The following AOC2 variants were observed in gnomAD, a reference collection of about 807,000 sequenced individuals.
The protein encoded by AOC2 is amine oxidase copper containing 2.
AOC2 carries 57 observed loss-of-function variants against 53.8 expected under a neutral mutation model. The ratio of observed to expected loss-of-function variants is 1.06; its 90% CI spans 0.86 to 1.32. AOC2 has a LOEUF of 1.32. Among genes scored for constraint, AOC2 ranks in the 40% most tolerant of loss-of-function variants. AOC2 has a pLI of 0.00. For synonymous variants in AOC2, 404 were observed against 399.0 expected (o/e 1.01, Z -0.15); for missense variants, 1,008 against 957.2 (o/e 1.05, Z -0.70).
At chr17:42,848,544 T>TATATATATATATATATATATAC (rs1181397569) in intron 1 of AOC2, among the ~76,000 whole-genome samples, 4 of 129,866 alleles carry the variant, frequency 3.1e-5, no homozygotes, top group Middle Eastern at 7.6e-3. Context: ...TATATATATA[T>TATATATATATATATATATATAC]ACATATATAT....
Position 42,844,854 on chromosome 17 carries a change from G to A in AOC2, c.228G>A (p.Gly76=). 10 of 1,612,374 alleles carry A rather than the reference G, an allele frequency of 6.2e-6. No homozygotes were observed. The highest frequency in any genetic ancestry group is 8.5e-6 in the Non-Finnish European group (10 of 1,178,800). Reference sequence around the variant, plus strand: ...TGCGCTTTCTGACCCAGCGGCTGGGGCCAGGGCTGGTGGACGCAGCCCAGG... The same window carrying A: ...TGCGCTTTCTGACCCAGCGGCTGGGACCAGGGCTGGTGGACGCAGCCCAGG... ...AVMRFLTQRL[G]PGLVDAAQAQ... Residue 76 remains glycine, a synonymous_variant, in exon 1 of 4, where the codon GGG becomes GGA. Transcript: ENST00000253799.
rs1027909639 is a variant in AOC2, at chr17:42,844,903, T to G, written c.277T>G (p.Phe93Val). 2.5e-6 allele frequency: 4 copies of G among 1,612,794 alleles called. No individual in the cohort carries two copies. The African/African-American group carries it at 5.3e-5, about 22-fold the overall frequency. The change falls in exon 1 of 4, where the codon TTC becomes GTC. Residue 93 changes from phenylalanine (F) to valine (V), a missense_variant. Transcript: ENST00000253799. Reference sequence around the variant, plus strand: ...GGCTCAGCCCTCGGACAACTGCATCTTCTCAGTGGAGCTGCAGCTGCCCCC... The same window carrying G: ...GGCTCAGCCCTCGGACAACTGCATCGTCTCAGTGGAGCTGCAGCTGCCCCC... ...AQAQPSDNCI[F>V]SVELQLPPKA...
chr17:42,845,616 A>T lies in AOC2; in HGVS notation c.990A>T (p.Ser330=). ...QGNLVVSSLW[S]FTFGHGVFSG... ...ACCTGGTGGTATCCTCCCTCTGGTCATTTACCTTTGGCCATGGGGTGTTCA... is the reference window on the plus strand; with the variant it reads ...ACCTGGTGGTATCCTCCCTCTGGTCTTTTACCTTTGGCCATGGGGTGTTCA... Residue 330 remains serine, a synonymous_variant, in exon 1 of 4, where the codon TCA becomes TCT. Coordinates refer to ENST00000253799, the MANE Select transcript of AOC2 (RefSeq NM_009590.4). The T allele has an allele frequency of 6.2e-7, 1 of 1,614,084 alleles. No homozygotes were observed. The highest frequency in any genetic ancestry group is 8.5e-7 in the Non-Finnish European group (1 of 1,180,026).
chr17:42,848,346 A>G, intron 1 of AOC2, among the ~76,000 whole-genome samples: 1 of 151,380 alleles, frequency 6.6e-6, no homozygotes, highest in Non-Finnish European at 1.5e-5. Context: ...CAGTGTAGGG[A>G]TTCAGAAAGT....
At position 42,845,254 on chromosome 17, in the gene AOC2, C is replaced by G. The variant is rs761402349; in HGVS notation, c.628C>G (p.Arg210Gly). 2 of 1,614,160 alleles carry G rather than the reference C, an allele frequency of 1.2e-6. No homozygotes were observed. Among genetic ancestry groups the G allele is most frequent in the Admixed American group, 3.3e-5 (2 of 60,032 alleles). The change falls in exon 1 of 4, where the codon CGG (arginine) becomes GGG (glycine). Residue 210 changes from arginine (R) to glycine (G), a missense_variant. Transcript: ENST00000253799. Reference protein sequence around the residue: ...STLAAVHATPRGLRSGDRATW... With the variant: ...STLAAVHATPGGLRSGDRATW... ...CCTGGCAGCTGTGCATGCCACCCCT[C>G]GGGGCTTGCGCTCAGGGGACCGAGC...
At position 42,846,151 on chromosome 17, in the gene AOC2, G is replaced by T; in HGVS notation, c.1525G>T (p.Glu509Ter). ...CCTCCTCTTTGGGAACCGTGTGGGG[G>T]AAAGAGTGCTGGGAACGGTGCACAC... ...EGLLFGNRVG[E>*]RVLGTVHTHA... The change falls in exon 1 of 4, where the codon GAA becomes TAA. Residue 509 changes from glutamate to a stop codon, truncating the protein, a stop_gained. Transcript: ENST00000253799. LOFTEE classifies it high-confidence loss of function. 6.4e-7 allele frequency: 1 copy of T among 1,557,982 alleles called. No individual in the cohort carries two copies. The highest frequency in any genetic ancestry group is 8.7e-7 in the Non-Finnish European group (1 of 1,151,018).
intron 1 of AOC2, among the ~76,000 whole-genome samples, chr17:42,848,561 A>ATG (rs1195731337): frequency 2.1e-5 from 3 of 145,080 alleles, no homozygotes; most frequent in South Asian, 4.2e-4. Flanking sequence ...ATATATATAT[A>ATG]TATATTTTAG....
In AOC2 at chr17:42,850,593, AGGT is replaced by A; in HGVS notation, c.*249_*251del. ...ATCACAAATCCTACTACTCAGAAATAGGTGGTCACATTACATCAGACATCTCTT... is the reference window on the plus strand; with the variant it reads ...ATCACAAATCCTACTACTCAGAAATAGGTCACATTACATCAGACATCTCTT... On this transcript the variant is annotated 3_prime_UTR_variant, in exon 4 of 4. Coordinates refer to ENST00000253799, the MANE Select transcript of AOC2 (RefSeq NM_009590.4). 1 of 414,996 alleles carries A rather than the reference AGGT, an allele frequency of 2.4e-6. No homozygotes were observed. Among genetic ancestry groups the A allele is most frequent in the Non-Finnish European group, 4.2e-6 (1 of 237,740 alleles). 25.7% of individuals were successfully genotyped at this position (414,996 alleles called of 1,614,324 possible). A position where few individuals can be genotyped will look rare whatever the true frequency, so the allele number is the denominator to read the frequency against.
chr17:42,846,202 C>G lies in AOC2; in HGVS notation c.1576C>G (p.Leu526Val). The G allele has an allele frequency of 6.7e-7, 1 of 1,496,008 alleles. No homozygotes were observed. The highest frequency in any genetic ancestry group is 8.9e-7 in the Non-Finnish European group (1 of 1,120,608). 92.7% of individuals were successfully genotyped at this position (1,496,008 alleles called of 1,614,324 possible). Residue 526 changes from leucine to valine, a missense_variant, in exon 1 of 4, where the codon CTG becomes GTG. Leu to Val is a conservative substitution (Grantham distance 32, BLOSUM62 1). Transcript: ENST00000253799. Reference sequence around the variant, plus strand: ...ACATGCCTTCCACTTCAAGCTGGACCTGGATGTGGCAGGTGAGTGCTGAGG... The same window carrying G: ...ACATGCCTTCCACTTCAAGCTGGACGTGGATGTGGCAGGTGAGTGCTGAGG... ...HTHAFHFKLDLDVAGLKNWVV... is the reference protein window; with the variant it reads ...HTHAFHFKLDVDVAGLKNWVV...
At chr17:42,847,504 C>A (rs1353213105) in intron 1 of AOC2, among the ~76,000 whole-genome samples, 5 of 152,248 alleles carry the variant, frequency 3.3e-5, no homozygotes, top group African/African-American at 1.2e-4. Context: ...AAGGAACTCC[C>A]AGACAAAGGT....
Position 42,850,309 on chromosome 17 carries a change from T to G in AOC2, c.2232T>G (p.Cys744Trp). ...PVACLPDLAA[C>W]VPDLPPFSYH... ...CCTGCCTCCCCGACCTGGCAGCCTG[T>G]GTCCCGGACTTACCCCCTTTCTCTT... is the stretch of plus-strand genomic sequence containing the variant. Residue 744 changes from cysteine (C) to tryptophan (W), a missense_variant, in exon 4 of 4, where the codon TGT becomes TGG. By Grantham distance (215) the Cys-to-Trp change is radical (BLOSUM62 -2). Transcript: ENST00000253799. The G allele has an allele frequency of 6.2e-7, 1 of 1,610,778 alleles. No individual in the cohort carries two copies. The highest frequency in any genetic ancestry group is 8.5e-7 in the Non-Finnish European group (1 of 1,177,156).
chr17:42,848,065 CTTTTTT>C (rs61450612), intron 1 of AOC2, among the ~76,000 whole-genome samples: 21 of 101,374 alleles, frequency 2.1e-4, no homozygotes, highest in African/African-American at 1.1e-3. Context: ...CATGCCCGGC[CTTTTTT>C]TTTTTTTTTT....
intron 1 of AOC2, 39 bp from the exon 2 acceptor site, chr17:42,849,046 AC>A (rs2055621621): frequency 6.4e-7 from 1 of 1,572,518 alleles, no homozygotes; most frequent in Non-Finnish European, 8.6e-7. Flanking sequence ...CAGAGACCTT[AC>A]CTGGTGTGGA....
intron 1 of AOC2, among the ~76,000 whole-genome samples, chr17:42,848,065 C>CTTTTTTTTTTTTTT (rs61450612): frequency 2.0e-5 from 2 of 101,344 alleles, no homozygotes; most frequent in African/African-American, 1.1e-4. Context: ...CATGCCCGGC[C>CTTTTTTTTTTTTTT]TTTTTTTTTT....
chr17:42,846,348 T>G (rs1174690561), intron 1 of AOC2, 134 bp downstream of exon 1: 1 of 967,538 alleles, frequency 1.0e-6, no homozygotes, highest in African/African-American at 1.6e-5. Flanking sequence ...ACAGCTCTAG[T>G]GGCAACAGGG....
In AOC2 at chr17:42,845,912, C is replaced by A. The variant is rs1051082892; in HGVS notation, c.1286C>A (p.Ala429Asp). ...LPGAVCVFEE[A>D]QGLPLRRHHN... ...GGGGCTGTGTGTGTATTTGAGGAAGCCCAGGGACTGCCCCTTCGAAGGCAC... is the reference window on the plus strand; with the variant it reads ...GGGGCTGTGTGTGTATTTGAGGAAGACCAGGGACTGCCCCTTCGAAGGCAC... Residue 429 changes from alanine to aspartate, a missense_variant, in exon 1 of 4, where the codon GCC (alanine) becomes GAC (aspartate). Ala to Asp is a moderately radical substitution (Grantham distance 126). Transcript: ENST00000253799. 1 of 1,614,016 alleles carries A rather than the reference C, an allele frequency of 6.2e-7. No individual in the cohort carries two copies. Among genetic ancestry groups the A allele is most frequent in the Non-Finnish European group, 8.5e-7 (1 of 1,180,036 alleles).
In AOC2 at chr17:42,844,795, G is replaced by A. The variant is rs778246860; in HGVS notation, c.169G>A (p.Ala57Thr). 1 of 1,614,170 alleles carries A rather than the reference G, an allele frequency of 6.2e-7. No homozygotes were observed. Among genetic ancestry groups the A allele is most frequent in the African/African-American group, 1.3e-5 (1 of 75,064 alleles). Residue 57 changes from alanine (A) to threonine (T), a missense_variant, in exon 1 of 4, where the codon GCA becomes ACA. Ala to Thr is a moderately conservative substitution (Grantham distance 58). Coordinates refer to ENST00000253799, the MANE Select transcript of AOC2 (RefSeq NM_009590.4). Reference protein sequence around the residue: ...WPHPGQSQLFADLSREELTAV... With the variant: ...WPHPGQSQLFTDLSREELTAV... ...ACACCCTGGCCAGAGCCAGCTGTTTGCAGACCTGAGCCGAGAGGAGTTGAC... is the reference window on the plus strand; with the variant it reads ...ACACCCTGGCCAGAGCCAGCTGTTTACAGACCTGAGCCGAGAGGAGTTGAC...
chr17:42,850,454 C>T lies in AOC2; in HGVS notation c.*106C>T. Reference sequence around the variant, plus strand: ...CACCTGCTCCCCAGATTCCCACCCCCTCAATGTTCCTCTCACACGAAACCC... The same window carrying T: ...CACCTGCTCCCCAGATTCCCACCCCTTCAATGTTCCTCTCACACGAAACCC... On this transcript the variant is annotated 3_prime_UTR_variant, in exon 4 of 4. Transcript: ENST00000253799. 7.4e-7 allele frequency: 1 copy of T among 1,352,264 alleles called. No individual in the cohort carries two copies. The highest frequency in any genetic ancestry group is 9.9e-7 in the Non-Finnish European group (1 of 1,009,366). 83.8% of individuals were successfully genotyped at this position (1,352,264 alleles called of 1,614,324 possible).
Position 42,850,267 on chromosome 17 carries a change from C to T in AOC2, c.2190C>T (p.Cys730=), listed in dbSNP as rs565401622. ...YFEKGQDAGL[C]SINPVACLPD... is the part of the protein sequence containing the mutation. ...AGAAGGGCCAGGATGCTGGGCTCTG[C>T]AGCATCAATCCTGTGGCCTGCCTCC... The change falls in exon 4 of 4, where the codon TGC becomes TGT. Residue 730 remains cysteine, a synonymous_variant. Coordinates refer to ENST00000253799, the MANE Select transcript of AOC2 (RefSeq NM_009590.4). 1 of 1,614,218 alleles carries T rather than the reference C, an allele frequency of 6.2e-7. No individual in the cohort carries two copies. The highest frequency in any genetic ancestry group is 1.3e-5 in the African/African-American group (1 of 75,040).
Sources: allele counts gnomAD v4.1 joint callset (sites outside exome capture counted in the v4.1 genomes callset), GRCh38; gene constraint gnomAD v4.1.1; transcripts MANE v1.5; gene names NCBI Gene and HGNC (gene_info 2026-07-23, HGNC 2026-07-21).